Variants in CAMTA1 observed in about 807,000 individuals in gnomAD.
The protein encoded by CAMTA1 is calmodulin-binding transcription activator 1.
A neutral mutation model predicts 170.9 loss-of-function variants in CAMTA1; 27 were observed. The observed-to-expected ratio is 0.16, with a 90% CI of 0.12 to 0.22. The LOEUF (loss-of-function observed/expected upper bound fraction) is 0.22. CAMTA1 is among the 10% of genes least tolerant of loss of function. The probability of loss-of-function intolerance (pLI) is 1.00; values close to 1 mark genes in which losing one functional copy is unlikely to be tolerated. For missense variants in CAMTA1, 1,619 were observed against 2,217.2 expected (o/e 0.73, Z 5.42); for synonymous variants, 833 against 891.5 (o/e 0.93, Z 1.17).
At chr1:7,420,524 G>A (rs1296980016) in intron 5 of CAMTA1, among the ~76,000 whole-genome samples, 2 of 152,148 alleles carry the variant, frequency 1.3e-5, no homozygotes, top group Non-Finnish European at 2.9e-5. Context: ...GACTAAGGGA[G>A]TGAATAGGCC....
chr1:6,812,219 G>C (rs1158376201), intron 1 of CAMTA1, among the ~76,000 whole-genome samples: 1 of 152,184 alleles, frequency 6.6e-6, no homozygotes, highest in East Asian at 1.9e-4. Flanking sequence ...GTGTTTTCTT[G>C]TGGAAATCAC....
chr1:7,594,823 G>C (rs190282656), intron 6 of CAMTA1, among the ~76,000 whole-genome samples: 1 of 152,222 alleles, frequency 6.6e-6, no homozygotes, highest in South Asian at 2.1e-4. Flanking sequence ...GAGGCCCAGC[G>C]GGGAACAGGC....
chr1:6,785,555 C>T lies in CAMTA1; in HGVS notation c.25C>T (p.Leu9=), dbSNP rs1638887251. 2 of 1,077,242 alleles carry T rather than the reference C, an allele frequency of 1.9e-6. No homozygotes were observed. The highest frequency in any genetic ancestry group is 2.3e-6 in the Non-Finnish European group (2 of 872,548). 66.7% of individuals were successfully genotyped at this position (1,077,242 alleles called of 1,614,324 possible). Residue 9 remains leucine, a synonymous_variant, in exon 1 of 23, where the codon CTG becomes TTG. Coordinates refer to ENST00000303635, the MANE Select transcript of CAMTA1 (RefSeq NM_015215.4). ...GATGTGGCGCGCGGAGGGGAAATGGCTGCCGAAAACAAGCCGGAAGGTAAG... is the reference window on the plus strand; with the variant it reads ...GATGTGGCGCGCGGAGGGGAAATGGTTGCCGAAAACAAGCCGGAAGGTAAG... MWRAEGKW[L]PKTSRKSVSQ... is the part of the protein sequence containing the mutation.
chr1:7,029,244 G>A (rs1702446588), intron 3 of CAMTA1, among the ~76,000 whole-genome samples: 1 of 152,016 alleles, frequency 6.6e-6, no homozygotes, highest in Non-Finnish European at 1.5e-5. Context: ...GCTCACGCCT[G>A]TAATCCCAGC....
rs923903911 is a variant in CAMTA1 at position 7,680,590 on chromosome 1, G to A, written c.2914+2857G>A. ...GGACCGCGGGACTAGGAAGGCCTGA[G>A]CCCGGCCACCCGCCTCCGAGTGCGC... On this transcript the variant is annotated intron_variant, in intron 11 of 22. Coordinates refer to ENST00000303635, the MANE Select transcript of CAMTA1 (RefSeq NM_015215.4). The surrounding 1 kb of genome is among the most constrained non-coding windows in gnomAD (Gnocchi z 4.4). Among the ~76,000 whole-genome samples the A allele has an allele frequency of 1.3e-5, 2 of 151,946 alleles. No homozygotes were observed. The highest frequency in any genetic ancestry group is 4.8e-5 in the African/African-American group (2 of 41,420).
At position 7,427,741 on chromosome 1, in the gene CAMTA1, C is replaced by T. The variant is rs147521623; in HGVS notation, c.439-40089C>T. On this transcript the variant is annotated intron_variant, in intron 5 of 22. Coordinates refer to ENST00000303635, the MANE Select transcript of CAMTA1 (RefSeq NM_015215.4). ...TGGGATGGGCTGTCCTCTCCCTCTG[C>T]ACACATTCTGCCGCCCAGGGACGAG... Among the ~76,000 whole-genome samples the T allele has an allele frequency of 5.9e-3, 901 of 152,322 alleles. 8 individuals carry two copies. The highest frequency in any genetic ancestry group is 7.7e-3 in the Non-Finnish European group (521 of 68,036).
intron 5 of CAMTA1, among the ~76,000 whole-genome samples, chr1:7,411,442 G>A (rs548137756): frequency 2.0e-5 from 3 of 151,308 alleles, no homozygotes; most frequent in African/African-American, 4.9e-5. Context: ...AGGAGGCTGA[G>A]GCAGGAGAAT....
chr1:6,908,225 C>T (rs1678966477), intron 3 of CAMTA1, among the ~76,000 whole-genome samples: 1 of 152,224 alleles, frequency 6.6e-6, no homozygotes, highest in South Asian at 2.1e-4. Flanking sequence ...CGTCCTGTCC[C>T]CTCCAGGGTG....
intron 4 of CAMTA1, among the ~76,000 whole-genome samples, chr1:7,172,222 T>C (rs1389393627): frequency 6.6e-6 from 1 of 152,098 alleles, no homozygotes; most frequent in Non-Finnish European, 1.5e-5. Flanking sequence ...CTATCTTGCC[T>C]CACCGCAACC....
At chr1:7,262,287 C>A (rs1319003750) in intron 5 of CAMTA1, among the ~76,000 whole-genome samples, 1 of 152,038 alleles carries the variant, frequency 6.6e-6, no homozygotes, top group South Asian at 2.1e-4. Flanking sequence ...ATGGGCCGGG[C>A]GCGGTGGCTC....
chr1:7,161,153 C>A (rs1647189030), intron 4 of CAMTA1, among the ~76,000 whole-genome samples: 1 of 152,206 alleles, frequency 6.6e-6, no homozygotes, highest in Non-Finnish European at 1.5e-5. Flanking sequence ...CAAACAAGAT[C>A]CAAACTCCTG....
intron 5 of CAMTA1, among the ~76,000 whole-genome samples, chr1:7,307,581 G>A (rs1675792894): frequency 6.6e-6 from 1 of 151,752 alleles, no homozygotes; most frequent in Non-Finnish European, 1.5e-5. Flanking sequence ...GGGTTTTTTT[G>A]GTAGATGCCC....
intron 11 of CAMTA1, among the ~76,000 whole-genome samples, chr1:7,696,575 A>C (rs1466717921): frequency 6.6e-6 from 1 of 151,308 alleles, no homozygotes; most frequent in Non-Finnish European, 1.5e-5. Flanking sequence ...GCATTTTTTG[A>C]GAGTACTTTT....
chr1:7,560,860 G>A (rs1292049883), intron 6 of CAMTA1, among the ~76,000 whole-genome samples: 2 of 151,806 alleles, frequency 1.3e-5, no homozygotes, highest in African/African-American at 4.8e-5. Flanking sequence ...GGGCCTGGAA[G>A]GGCAGGGACA....
chr1:6,860,639 A>G (rs1001829438), intron 3 of CAMTA1, among the ~76,000 whole-genome samples: 1 of 152,116 alleles, frequency 6.6e-6, no homozygotes, highest in African/African-American at 2.4e-5. Flanking sequence ...GCCGGGCGCA[A>G]TGACTCACAC....
intron 19 of CAMTA1, among the ~76,000 whole-genome samples, chr1:7,749,078 T>G (rs1326241582): frequency 6.6e-6 from 1 of 152,206 alleles, no homozygotes; most frequent in Non-Finnish European, 1.5e-5. Context: ...CTAATGGAGT[T>G]TTGACTGGTT....
Position 7,570,933 on chromosome 1 carries a change from T to C in CAMTA1, c.511-69467T>C, listed in dbSNP as rs1033468954. Among the ~76,000 whole-genome samples, 1 of 152,206 alleles carries C rather than the reference T, an allele frequency of 6.6e-6. No homozygotes were observed. The highest frequency in any genetic ancestry group is 1.5e-5 in the Non-Finnish European group (1 of 68,034). ...ACTCTGAGCCTCAGTTGCCTCAAGA[T>C]GGGCAGCCTTTCTGTGTCGCCGGAG... On this transcript the variant is annotated intron_variant, in intron 6 of 22. Coordinates refer to ENST00000303635, the MANE Select transcript of CAMTA1 (RefSeq NM_015215.4). This position sits in a 1 kb window ranked among gnomAD's most constrained non-coding sequence, Gnocchi z 4.3.
intron 3 of CAMTA1, among the ~76,000 whole-genome samples, chr1:7,011,965 A>G (rs139641745): frequency 1.3e-5 from 2 of 152,108 alleles, no homozygotes; most frequent in Non-Finnish European, 2.9e-5. Context: ...CTGAGACTAC[A>G]AGCCCCCAGT....
intron 4 of CAMTA1, chr1:7,142,264 A>T (rs1374227215): frequency 4.4e-6 from 2 of 457,224 alleles, no homozygotes; most frequent in Admixed American, 2.2e-5. Flanking sequence ...GCTTTCTTTC[A>T]ACTCTGCTAA....
Sources: allele counts gnomAD v4.1 joint callset (sites outside exome capture counted in the v4.1 genomes callset), GRCh38; gene constraint gnomAD v4.1.1; non-coding constraint Gnocchi (gnomAD v3.1); transcripts MANE v1.5; gene names NCBI Gene and HGNC (gene_info 2026-07-23, HGNC 2026-07-21).